The following PDGFD variants were observed in gnomAD, a reference collection of about 807,000 sequenced individuals.
The protein encoded by PDGFD is platelet-derived growth factor D.
Under a neutral mutation model 44.7 loss-of-function variants are expected in PDGFD, and 30 were observed. The ratio of observed to expected loss-of-function variants is 0.67; its 90% CI spans 0.50 to 0.91. The LOEUF (loss-of-function observed/expected upper bound fraction) is 0.91, where lower values mean the gene tolerates loss of function less well. PDGFD is among the 40% of genes least tolerant of loss of function. The pLI, the probability that PDGFD is intolerant of heterozygous loss-of-function variation, is 0.00. For synonymous variants in PDGFD, 173 were observed against 168.4 expected (o/e 1.03, Z -0.21); for missense variants, 445 against 457.8 (o/e 0.97, Z 0.25).
At chr11:104,094,206 C>T (rs1380994290) in intron 1 of PDGFD, among the ~76,000 whole-genome samples, 2 of 151,994 alleles carry the variant, frequency 1.3e-5, no homozygotes, top group African/African-American at 2.4e-5. Flanking sequence ...ATCGTATCAG[C>T]ACATCTTCTT....
intron 1 of PDGFD, among the ~76,000 whole-genome samples, chr11:104,057,035 G>A (rs1473563331): frequency 6.6e-6 from 1 of 152,162 alleles, no homozygotes; most frequent in Non-Finnish European, 1.5e-5. Flanking sequence ...GGCTGAGGCA[G>A]GGGAATCGCT....
In PDGFD at chr11:104,082,137, C is replaced by CATTATATATATATATATATATATATAT. The variant is rs1555050974; in HGVS notation, c.124+81666_124+81667insATATATATATATATATATATATATAAT. ...TTGTTGATGTCCATATACATACATA[C>CATTATATATATATATATATATATATAT]ATATATATATATGAAAAACAAAGTC... On this transcript the variant is annotated intron_variant, in intron 1 of 6. Coordinates refer to ENST00000393158, the MANE Select transcript of PDGFD (RefSeq NM_025208.5). Among the ~76,000 whole-genome samples the CATTATATATATATATATATATATATAT allele has an allele frequency of 7.3e-5, 9 of 123,222 alleles. 1 individual carries two copies. The highest frequency in any genetic ancestry group is 3.1e-4 in the African/African-American group (9 of 29,224). The allele number at this position is 123,222 out of a possible 152,430, so 80.8% of individuals were successfully genotyped here.
intron 1 of PDGFD, among the ~76,000 whole-genome samples, chr11:104,088,851 T>C (rs1299893012): frequency 1.3e-5 from 2 of 151,850 alleles, no homozygotes; most frequent in African/African-American, 4.8e-5. Flanking sequence ...CTTCCCTCTA[T>C]ACCCAGGGAG....
intron 1 of PDGFD, among the ~76,000 whole-genome samples, chr11:104,048,556 T>G (rs1186148497): frequency 6.6e-6 from 1 of 152,196 alleles, no homozygotes; most frequent in Non-Finnish European, 1.5e-5. Context: ...TATGGACAGC[T>G]AGAGCAGATG....
chr11:104,132,644 A>G (rs79487237), intron 1 of PDGFD, among the ~76,000 whole-genome samples: 4,740 of 152,210 alleles, frequency 0.031, 256 homozygotes, highest in African/African-American at 0.11. Flanking sequence ...ACTACAGATA[A>G]TATACATCTT....
intron 1 of PDGFD, among the ~76,000 whole-genome samples, chr11:104,140,872 C>T (rs574249165): frequency 1.1e-4 from 17 of 152,324 alleles, no homozygotes; most frequent in African/African-American, 3.6e-4. Flanking sequence ...AAATATCTCC[C>T]TTGCTATCTA....
chr11:104,151,818 G>A (rs1862250171), intron 1 of PDGFD, among the ~76,000 whole-genome samples: 1 of 151,898 alleles, frequency 6.6e-6, no homozygotes, highest in Non-Finnish European at 1.5e-5. Context: ...ATAATATTGT[G>A]CTCAACAGCA....
At chr11:104,127,863 G>A (rs750936492) in intron 1 of PDGFD, among the ~76,000 whole-genome samples, 8 of 152,142 alleles carry the variant, frequency 5.3e-5, no homozygotes, top group Non-Finnish European at 8.8e-5. Flanking sequence ...TTAGCTGACA[G>A]CACTGCCATT....
intron 1 of PDGFD, among the ~76,000 whole-genome samples, chr11:104,080,014 C>T (rs361302): frequency 0.46 from 70,114 of 151,994 alleles, 17,671 homozygotes; most frequent in African/African-American, 0.67. Context: ...ATTGTCTATG[C>T]ATACCAATGT....
Position 103,943,520 on chromosome 11 carries a change from T to C in PDGFD, c.704A>G (p.Asp235Gly), listed in dbSNP as rs747056326. ...KYFNPESWQE[D>G]LENMYLDTPR... ...GGTGTCCAGATACATATTCTCAAGATCTTCTTGCCATGACTCTGGATTGAA... is the reference window on the plus strand; with the variant it reads ...GGTGTCCAGATACATATTCTCAAGACCTTCTTGCCATGACTCTGGATTGAA... The change falls in exon 5 of 7, where the codon GAT becomes GGT. Residue 235 changes from aspartate to glycine, a missense_variant. Coordinates refer to ENST00000393158, the MANE Select transcript of PDGFD (RefSeq NM_025208.5). 6.2e-7 allele frequency: 1 copy of C among 1,613,266 alleles called. No individual in the cohort carries two copies.
At chr11:103,925,993 T>C (rs879889722) in intron 6 of PDGFD, among the ~76,000 whole-genome samples, 1 of 151,980 alleles carries the variant, frequency 6.6e-6, no homozygotes, top group East Asian at 1.9e-4. Context: ...CCTCCCAAAG[T>C]GCTAGGATTA....
chr11:104,130,068 G>T (rs919555699), intron 1 of PDGFD, among the ~76,000 whole-genome samples: 1 of 151,768 alleles, frequency 6.6e-6, no homozygotes, highest in Admixed American at 6.6e-5. Flanking sequence ...ATTAAAGGGG[G>T]TTGACAGAGC....
chr11:104,020,273 AT>A (rs920180517), intron 1 of PDGFD, among the ~76,000 whole-genome samples: 15 of 151,682 alleles, frequency 9.9e-5, no homozygotes, highest in Admixed American at 7.9e-4. Flanking sequence ...TATTTCATTA[AT>A]TTTTTTTTCT....
intron 1 of PDGFD, among the ~76,000 whole-genome samples, chr11:104,107,939 T>A (rs1027615680): frequency 1.3e-5 from 2 of 152,162 alleles, no homozygotes; most frequent in Non-Finnish European, 2.9e-5. Flanking sequence ...AAGAGAAACA[T>A]GTCCGTATCA....
intron 3 of PDGFD, among the ~76,000 whole-genome samples, chr11:103,950,047 A>C (rs191876729): frequency 1.8e-4 from 27 of 152,254 alleles, no homozygotes; most frequent in Admixed American, 1.6e-3. Flanking sequence ...TTCGGGGGGA[A>C]GTTTGCTACA....
rs111674204 is a variant in PDGFD at position 104,002,908 on chromosome 11, T to C, written c.125-2653A>G. Reference sequence around the variant, plus strand: ...TAGAAGGTAACCATGAGTCTAAATATATTACTATTAAATTTTAAAATATCT... The same window carrying C: ...TAGAAGGTAACCATGAGTCTAAATACATTACTATTAAATTTTAAAATATCT... On this transcript the variant is annotated intron_variant, in intron 1 of 6. Transcript: ENST00000393158. Among the ~76,000 whole-genome samples the C allele has an allele frequency of 2.3e-3, 343 of 152,352 alleles. 1 individual carries two copies. Among genetic ancestry groups the C allele is most frequent in the Non-Finnish European group, 3.8e-3 (257 of 68,032 alleles).
At chr11:104,118,490 C>T (rs974428244) in intron 1 of PDGFD, among the ~76,000 whole-genome samples, 1 of 151,394 alleles carries the variant, frequency 6.6e-6, no homozygotes, top group African/African-American at 2.4e-5. Flanking sequence ...GTAACCTAAA[C>T]TTAGACACTT....
chr11:104,111,345 C>T (rs1271662362), intron 1 of PDGFD, among the ~76,000 whole-genome samples: 1 of 150,944 alleles, frequency 6.6e-6, no homozygotes, highest in Non-Finnish European at 1.5e-5. Flanking sequence ...ACTGCAACCT[C>T]CACCTCCCCG....
At position 103,943,489 on chromosome 11, in the gene PDGFD, C is replaced by G. The variant is rs1472422525; in HGVS notation, c.735G>C (p.Arg245=). 6.2e-7 allele frequency: 1 copy of G among 1,612,874 alleles called. No homozygotes were observed. The highest frequency in any genetic ancestry group is 8.5e-7 in the Non-Finnish European group (1 of 1,179,534). Residue 245 remains arginine, a synonymous_variant, in exon 5 of 7, where the codon CGG becomes CGC. Transcript: ENST00000393158. ...DLENMYLDTP[R]YRGRSYHDRK... ...GGTCATGGTATGACCTGCCTCGATA[C>G]CGAGGGGTGTCCAGATACATATTCT...
Sources: gnomAD v4.1 joint callset for allele counts (sites outside exome capture counted in the v4.1 genomes callset) on GRCh38, gnomAD v4.1.1 for gene constraint, MANE v1.5 for transcripts, NCBI Gene and HGNC (gene_info 2026-07-23, HGNC 2026-07-21) for gene names.